CORO2A: variants seen among roughly 807,000 people sequenced by gnomAD.
CORO2A encodes coronin-2A.
A neutral mutation model predicts 62.4 loss-of-function variants in CORO2A; 47 were observed. The ratio of observed to expected loss-of-function variants is 0.75; its 90% CI spans 0.60 to 0.96. CORO2A has a LOEUF of 0.96. CORO2A is among the 40% of genes least tolerant of loss of function. The pLI, the probability that CORO2A is intolerant of heterozygous loss-of-function variation, is 0.00. For missense variants in CORO2A, 610 were observed against 684.1 expected (o/e 0.89, Z 1.21); for synonymous variants, 273 against 268.9 (o/e 1.02, Z -0.15).
chr9:98,187,006 G>A (rs1048033182), intron 1 of CORO2A, among the ~76,000 whole-genome samples: 3 of 152,096 alleles, frequency 2.0e-5, no homozygotes, highest in East Asian at 1.9e-4. Flanking sequence ...TTGGCCAGGC[G>A]CGGTGGCTCA....
At chr9:98,129,976 C>T (rs904659512) in intron 7 of CORO2A, 86 bp from the exon 8 acceptor site, 1 of 1,057,252 alleles carries the variant, frequency 9.5e-7, no homozygotes, top group Non-Finnish European at 1.4e-6. Context: ...CAGCAAAGAC[C>T]TGGCTTTTTT....
chr9:98,133,814 C>T (rs955129653), intron 4 of CORO2A, among the ~76,000 whole-genome samples: 9 of 152,304 alleles, frequency 5.9e-5, no homozygotes, highest in Admixed American at 2.0e-4. Context: ...AGTACAGTGG[C>T]ATGATCATGG....
intron 1 of CORO2A, among the ~76,000 whole-genome samples, chr9:98,192,338 G>A (rs2118954076): frequency 6.6e-6 from 1 of 152,354 alleles, no homozygotes; most frequent in African/African-American, 2.4e-5. Context: ...CCGCGAGAAG[G>A]GGGCCACCAA....
chr9:98,191,222 C>A (rs1828301925), intron 1 of CORO2A, among the ~76,000 whole-genome samples: 1 of 152,214 alleles, frequency 6.6e-6, no homozygotes. Context: ...TGCAGAGGGG[C>A]TCCGGCTCTC....
intron 4 of CORO2A, among the ~76,000 whole-genome samples, chr9:98,133,786 C>G (rs1827444860): frequency 6.6e-6 from 1 of 151,978 alleles, no homozygotes; most frequent in Admixed American, 6.6e-5. Flanking sequence ...ATTTTTGAGA[C>G]AGGATTGCCC....
chr9:98,123,810 C>T lies in CORO2A; in HGVS notation c.*964G>A, dbSNP rs961461880. 6.6e-6 allele frequency: 1 copy of T among 152,126 alleles called. No homozygotes were observed. The highest frequency in any genetic ancestry group is 6.6e-5 in the Admixed American group (1 of 15,266). 9.4% of individuals were successfully genotyped at this position (152,126 alleles called of 1,614,324 possible). On this transcript the variant is annotated 3_prime_UTR_variant, in exon 12 of 12. Coordinates refer to ENST00000375077, the MANE Select transcript of CORO2A (RefSeq NM_052820.4). The stretch of plus-strand genomic sequence containing the variant: ...AGCTGGGATTACAGGCATGCACCAC[C>T]ATGCCTGGTTAATTTTTTATTTTTA...
intron 2 of CORO2A, among the ~76,000 whole-genome samples, chr9:98,148,541 A>C (rs1827677956): frequency 6.6e-6 from 1 of 151,950 alleles, no homozygotes; most frequent in African/African-American, 2.4e-5. Flanking sequence ...GGGGTTCAAG[A>C]CCAACCTGAG....
chr9:98,121,023 T>C lies in CORO2A; in HGVS notation c.*3751A>G, dbSNP rs1353389329. ...TATTATTTTGTTACATTATTTCCAT[T>C]GCATATTCCACATCTATTTATTTTC... On this transcript the variant is annotated 3_prime_UTR_variant, in exon 12 of 12. Transcript: ENST00000375077. 1 of 152,232 alleles carries C rather than the reference T, an allele frequency of 6.6e-6. No homozygotes were observed. Among genetic ancestry groups the C allele is most frequent in the Non-Finnish European group, 1.5e-5 (1 of 68,040 alleles). 9.4% of individuals were successfully genotyped at this position (152,232 alleles called of 1,614,324 possible).
intron 9 of CORO2A, 60 bp downstream of exon 9, chr9:98,128,547 G>A: frequency 6.8e-7 from 1 of 1,463,246 alleles, no homozygotes; most frequent in African/African-American, 1.4e-5. Flanking sequence ...ACAGCCCTGG[G>A]TCTGTCTTCT....
intron 2 of CORO2A, among the ~76,000 whole-genome samples, chr9:98,147,502 T>C (rs1827657272): frequency 6.6e-6 from 1 of 152,204 alleles, no homozygotes; most frequent in African/African-American, 2.4e-5. Flanking sequence ...GATTTTTCCA[T>C]AATTATGAAC....
chr9:98,132,403 G>A, intron 5 of CORO2A, 102 bp from the exon 6 acceptor site: 1 of 895,818 alleles, frequency 1.1e-6, no homozygotes, highest in Non-Finnish European at 1.8e-6. Context: ...CTCCACCTGG[G>A]AGGCCTCCCT....
At chr9:98,186,016 G>A (rs1198349592) in intron 1 of CORO2A, among the ~76,000 whole-genome samples, 2 of 152,208 alleles carry the variant, frequency 1.3e-5, no homozygotes, top group Non-Finnish European at 1.5e-5. Flanking sequence ...AAGACTCTTG[G>A]GCCCAGGGAA....
intron 11 of CORO2A, among the ~76,000 whole-genome samples, chr9:98,125,186 G>A (rs1827300058): frequency 6.6e-6 from 1 of 152,090 alleles, no homozygotes; most frequent in Non-Finnish European, 1.5e-5. Context: ...GGGGATTGGT[G>A]TTTTCGCCAC....
At chr9:98,159,692 C>T (rs961312074) in intron 1 of CORO2A, among the ~76,000 whole-genome samples, 5 of 152,038 alleles carry the variant, frequency 3.3e-5, no homozygotes, top group African/African-American at 1.2e-4. Context: ...TCTCGCTCTC[C>T]TCTGTTCCCT....
rs145467027 is a variant in CORO2A, at chr9:98,122,746, C to T, written c.*2028G>A. The T allele has an allele frequency of 1.3e-5, 2 of 152,378 alleles. No individual in the cohort carries two copies. Among genetic ancestry groups the T allele is most frequent in the East Asian group, 3.9e-4 (2 of 5,192 alleles). The allele number at this position is 152,378 out of a possible 1,614,324, so 9.4% of individuals were successfully genotyped here. On this transcript the variant is annotated 3_prime_UTR_variant, in exon 12 of 12. Coordinates refer to ENST00000375077, the MANE Select transcript of CORO2A (RefSeq NM_052820.4). ...TGGGGGCCCCCTACCTCCTGGGGGA[C>T]TCTTCTGTTAACTAGGGCTGAAATC... is the stretch of plus-strand genomic sequence containing the variant.
chr9:98,178,538 T>C (rs1828138588), intron 1 of CORO2A, among the ~76,000 whole-genome samples: 1 of 152,166 alleles, frequency 6.6e-6, no homozygotes, highest in South Asian at 2.1e-4. Flanking sequence ...ATAAACCAGG[T>C]TAATTAATTG....
chr9:98,158,856 CACA>C (rs1827843539), intron 1 of CORO2A, among the ~76,000 whole-genome samples: 1 of 151,952 alleles, frequency 6.6e-6, no homozygotes, highest in African/African-American at 2.4e-5. Flanking sequence ...CACACACACA[CACA>C]CCATGTATAT....
At chr9:98,161,845 C>T (rs1021204583) in intron 1 of CORO2A, among the ~76,000 whole-genome samples, 9 of 152,070 alleles carry the variant, frequency 5.9e-5, no homozygotes, top group African/African-American at 1.2e-4. Flanking sequence ...TGGCCCCTTC[C>T]GGACCCTCTG....
At chr9:98,184,319 G>A (rs1371126448) in intron 1 of CORO2A, among the ~76,000 whole-genome samples, 2 of 151,852 alleles carry the variant, frequency 1.3e-5, no homozygotes, top group Admixed American at 6.5e-5. Flanking sequence ...GGATTACCAG[G>A]AGGAGCCACC....
Sources: gnomAD v4.1 joint callset for allele counts (sites outside exome capture counted in the v4.1 genomes callset) on GRCh38, gnomAD v4.1.1 for gene constraint, MANE v1.5 for transcripts, NCBI Gene and HGNC (gene_info 2026-07-23, HGNC 2026-07-21) for gene names.